COL21A1: variants seen among roughly 807,000 people sequenced by gnomAD.
The protein encoded by COL21A1 is collagen type XXI alpha 1 chain.
Under a neutral mutation model 137.9 loss-of-function variants are expected in COL21A1, and 149 were observed. The ratio of observed to expected loss-of-function variants is 1.08; its 90% CI spans 0.95 to 1.24. COL21A1 has a LOEUF of 1.24. Among genes scored for constraint, COL21A1 ranks in the 50% most tolerant of loss-of-function variants. The pLI, the probability that COL21A1 is intolerant of heterozygous loss-of-function variation, is 0.00. For missense variants in COL21A1, 1,167 were observed against 1,158.4 expected, an observed-to-expected ratio of 1.01 and a Z score of -0.11; for synonymous variants, 456 against 391.5, an observed-to-expected ratio of 1.16 and a Z score of -1.95.
intron 1 of COL21A1, among the ~76,000 whole-genome samples, chr6:56,338,883 C>T (rs1481227223): frequency 1.3e-5 from 2 of 152,110 alleles, no homozygotes; most frequent in Admixed American, 6.5e-5. Context: ...AAGGTGGTCC[C>T]ATGATGGTTG....
intron 17 of COL21A1, among the ~76,000 whole-genome samples, chr6:56,085,456 T>C (rs978029301): frequency 3.3e-5 from 5 of 152,100 alleles, no homozygotes; most frequent in African/African-American, 1.2e-4. Context: ...TATAATTTCA[T>C]ATTATCATTT....
intron 20 of COL21A1, 146 bp from the exon 21 acceptor site, chr6:56,070,944 T>C: frequency 3.1e-6 from 2 of 635,730 alleles, no homozygotes; most frequent in Non-Finnish European, 5.2e-6. Flanking sequence ...ATTAGACCTA[T>C]GTATTAAGAA....
intron 1 of COL21A1, among the ~76,000 whole-genome samples, chr6:56,264,367 G>A (rs1016382644): frequency 2.0e-5 from 3 of 152,106 alleles, no homozygotes; most frequent in Non-Finnish European, 4.4e-5. Flanking sequence ...TAAGCATCTT[G>A]TCCACCTTGG....
chr6:56,085,265 TAA>T (rs1768130540), intron 17 of COL21A1, among the ~76,000 whole-genome samples: 1 of 152,016 alleles, frequency 6.6e-6, no homozygotes, highest in African/African-American at 2.4e-5. Context: ...CTAATAAATT[TAA>T]GTTATCTAAT....
intron 1 of COL21A1, among the ~76,000 whole-genome samples, chr6:56,294,343 G>A (rs1323172058): frequency 1.3e-5 from 2 of 151,996 alleles, no homozygotes; most frequent in African/African-American, 2.4e-5. Flanking sequence ...AATGCATAAT[G>A]TTCTACGGTG....
intron 1 of COL21A1, among the ~76,000 whole-genome samples, chr6:56,323,597 C>T (rs77529902): frequency 0.1 from 15,645 of 152,034 alleles, 904 homozygotes; most frequent in Non-Finnish European, 0.13. Flanking sequence ...AGCATGTTGG[C>T]CAGGCTGGTC....
chr6:56,137,713 G>C (rs537073875), intron 12 of COL21A1, among the ~76,000 whole-genome samples: 2 of 152,212 alleles, frequency 1.3e-5, no homozygotes, highest in African/African-American at 4.8e-5. Context: ...AAAGTTTTAA[G>C]TTTCCTTATA....
At chr6:56,345,705 G>A (rs78351632) in intron 1 of COL21A1, among the ~76,000 whole-genome samples, 24,893 of 152,192 alleles carry the variant, frequency 0.16, 2,179 homozygotes, top group Non-Finnish European at 0.18. Context: ...TTTTTATTTT[G>A]AAGGAGCCAG....
At chr6:56,112,333 C>T (rs112563065) in intron 16 of COL21A1, among the ~76,000 whole-genome samples, 5 of 152,192 alleles carry the variant, frequency 3.3e-5, no homozygotes, top group South Asian at 2.1e-4. Flanking sequence ...AAAGCTCCAC[C>T]GATTGTCACC....
At chr6:56,337,934 A>C (rs1403052528) in intron 1 of COL21A1, among the ~76,000 whole-genome samples, 1 of 150,166 alleles carries the variant, frequency 6.7e-6, no homozygotes, top group Non-Finnish European at 1.5e-5. Flanking sequence ...GAGGAAGAAA[A>C]GGGGTTTTTT....
chr6:56,335,899 T>C (rs1562062017), intron 1 of COL21A1, among the ~76,000 whole-genome samples: 1 of 152,228 alleles, frequency 6.6e-6, no homozygotes. Flanking sequence ...TTTGTGTTAC[T>C]GCATTATTTT....
At chr6:56,064,677 C>G in intron 23 of COL21A1, 55 bp from the exon 24 acceptor site, 1 of 1,175,026 alleles carries the variant, frequency 8.5e-7, no homozygotes, top group Non-Finnish European at 1.2e-6. Context: ...GATGCAATCA[C>G]ATATGCAATA....
chr6:56,121,571 TA>T (rs1772534230), intron 16 of COL21A1, among the ~76,000 whole-genome samples: 1 of 146,432 alleles, frequency 6.8e-6, no homozygotes, highest in Non-Finnish European at 1.5e-5. Flanking sequence ...TATATATATA[TA>T]TGTATATGTA....
At chr6:56,354,497 CA>C (rs1344752187) in intron 1 of COL21A1, among the ~76,000 whole-genome samples, 1 of 151,826 alleles carries the variant, frequency 6.6e-6, no homozygotes, top group Non-Finnish European at 1.5e-5. Flanking sequence ...GAAAAACAAA[CA>C]AACAAAAAAA....
At chr6:56,094,003 G>T (rs1396922948) in intron 17 of COL21A1, among the ~76,000 whole-genome samples, 1 of 152,090 alleles carries the variant, frequency 6.6e-6, no homozygotes, top group African/African-American at 2.4e-5. Context: ...CAGCATGCTT[G>T]CGTAACAGTG....
At chr6:56,366,243 C>T (rs183793820) in intron 1 of COL21A1, among the ~76,000 whole-genome samples, 12 of 152,222 alleles carry the variant, frequency 7.9e-5, no homozygotes, top group Non-Finnish European at 1.5e-4. Flanking sequence ...CATACAAAAC[C>T]CTGATTACAA....
At chr6:56,067,843 A>G (rs1766397111) in intron 22 of COL21A1, among the ~76,000 whole-genome samples, 1 of 151,694 alleles carries the variant, frequency 6.6e-6, no homozygotes, top group East Asian at 1.9e-4. Context: ...ATTATCAGCT[A>G]GAAGGGAAAT....
At chr6:56,240,302 A>T (rs1383273502) in intron 1 of COL21A1, among the ~76,000 whole-genome samples, 1 of 152,096 alleles carries the variant, frequency 6.6e-6, no homozygotes, top group Non-Finnish European at 1.5e-5. Flanking sequence ...CCATGTGAGG[A>T]TGCAGTGTTT....
chr6:56,380,936 C>T lies in COL21A1; in HGVS notation c.-39+13035G>A, dbSNP rs536514210. ...CAATAATATGTATTCGGTAAGGTGTCTTTAAATAGAAATACATACAGAACA... is the reference window on the plus strand; with the variant it reads ...CAATAATATGTATTCGGTAAGGTGTTTTTAAATAGAAATACATACAGAACA... On this transcript the variant is annotated intron_variant, in intron 1 of 28. Coordinates refer to the COL21A1 transcript ENST00000370819. 1.2e-4 allele frequency among the ~76,000 whole-genome samples: 19 copies of T among 152,168 alleles called. No homozygotes were observed. In the East Asian group the frequency reaches 3.7e-3, roughly 29 times the overall value.
Sources: gnomAD v4.1 joint callset for allele counts (sites outside exome capture counted in the v4.1 genomes callset) on GRCh38, gnomAD v4.1.1 for gene constraint, MANE v1.5 for transcripts, NCBI Gene and HGNC (gene_info 2026-07-23, HGNC 2026-07-21) for gene names.